TAS1R1: variants seen among roughly 807,000 people sequenced by gnomAD.
TAS1R1 encodes the protein taste receptor type 1 member 1.
Under a neutral mutation model 45.8 loss-of-function variants are expected in TAS1R1, and 31 were observed. That is an observed-to-expected ratio of 0.68 (90% CI 0.51 to 0.91). The LOEUF (loss-of-function observed/expected upper bound fraction) is 0.91, where lower values mean the gene tolerates loss of function less well. Ranked by LOEUF, TAS1R1 falls within the 40% of genes least tolerant of loss-of-function variation. The pLI is 0.00. For missense variants in TAS1R1, 1,051 were observed against 1,063.9 expected (o/e 0.99, Z 0.17); for synonymous variants, 437 against 448.4 (o/e 0.97, Z 0.32).
chr1:6,558,296 C>T (rs1639722127), intron 1 of TAS1R1, among the ~76,000 whole-genome samples: 1 of 152,116 alleles, frequency 6.6e-6, no homozygotes. Context: ...CAGTGCTAGG[C>T]CTCCCAGAGT....
rs1293792851 is a variant in TAS1R1, at chr1:6,559,661, A to G, written c.191+4097A>G. ...GCGACAGAGCGAGACTCCCTCTCAA[A>G]AAAAAAAAAAAAGCCTGAGGTTTTG... On this transcript the variant is annotated intron_variant, in intron 1 of 5. Transcript: ENST00000333172. 8.0e-5 allele frequency among the ~76,000 whole-genome samples: 12 copies of G among 149,686 alleles called. 1 individual carries two copies. The South Asian group carries it at 2.1e-3, about 26-fold the overall frequency.
intron 1 of TAS1R1, among the ~76,000 whole-genome samples, chr1:6,556,732 C>A (rs1019580682): frequency 6.6e-6 from 1 of 151,908 alleles, no homozygotes. Flanking sequence ...CAGTTGCAGC[C>A]GAGCACAGTG....
chr1:6,579,674 A>G lies in TAS1R1; in HGVS notation c.*90A>G. 6.7e-7 allele frequency: 1 copy of G among 1,493,686 alleles called. No individual in the cohort carries two copies. The highest frequency in any genetic ancestry group is 1.4e-5 in the African/African-American group (1 of 71,936). 92.5% of individuals were successfully genotyped at this position (1,493,686 alleles called of 1,614,324 possible). On this transcript the variant is annotated 3_prime_UTR_variant, in exon 6 of 6. Coordinates refer to ENST00000333172, the MANE Select transcript of TAS1R1 (RefSeq NM_138697.4). ...GGGGGTGTCCGGGAGGTCTTTGGGC[A>G]TCGCGGTCTGGGGTTGGGACGTGTA...
intron 1 of TAS1R1, among the ~76,000 whole-genome samples, chr1:6,561,312 G>A (rs1639783931): frequency 6.6e-6 from 1 of 152,188 alleles, no homozygotes; most frequent in South Asian, 2.1e-4. Context: ...GTCCTGACTG[G>A]TTAGTATAGA....
At chr1:6,565,296 G>A (rs1441879272) in intron 1 of TAS1R1, among the ~76,000 whole-genome samples, 1 of 152,156 alleles carries the variant, frequency 6.6e-6, no homozygotes, top group East Asian at 1.9e-4. Context: ...TGGAGAAAGG[G>A]CACTTAGTGC....
Position 6,578,978 on chromosome 1 carries a change from T to G in TAS1R1, c.1920T>G (p.Leu640=). 1 of 1,614,198 alleles carries G rather than the reference T, an allele frequency of 6.2e-7. No homozygotes were observed. Among genetic ancestry groups the G allele is most frequent in the African/African-American group, 1.3e-5 (1 of 75,082 alleles). Reference sequence around the variant, plus strand: ...TGCTACGCCAGGCCCTCTTTGCCCTTGGTTTCACCATCTTCCTGTCCTGCC... The same window carrying G: ...TGCTACGCCAGGCCCTCTTTGCCCTGGGTTTCACCATCTTCCTGTCCTGCC... The part of the protein sequence containing the change: ...ACLLRQALFA[L]GFTIFLSCLT... Residue 640 remains leucine, a synonymous_variant, in exon 6 of 6, where the codon CTT becomes CTG. Transcript: ENST00000333172.
intron 1 of TAS1R1, among the ~76,000 whole-genome samples, chr1:6,557,647 G>A (rs1639708311): frequency 6.6e-6 from 1 of 152,110 alleles, no homozygotes; most frequent in Non-Finnish European, 1.5e-5. Context: ...GTGTTGCTCA[G>A]GCTGGTCTCA....
At chr1:6,559,291 A>C (rs1179314148) in intron 1 of TAS1R1, among the ~76,000 whole-genome samples, 1 of 151,862 alleles carries the variant, frequency 6.6e-6, no homozygotes, top group Non-Finnish European at 1.5e-5. Flanking sequence ...CAGCCTCCCA[A>C]AGTGCTGGGA....
chr1:6,571,888 T>G (rs1240121105), intron 2 of TAS1R1, among the ~76,000 whole-genome samples: 1 of 152,040 alleles, frequency 6.6e-6, no homozygotes, highest in Admixed American at 6.6e-5. Context: ...ATCATCCCAG[T>G]CTCTCCTGCC....
At chr1:6,565,900 G>T (rs1018938409) in intron 1 of TAS1R1, among the ~76,000 whole-genome samples, 17 of 152,306 alleles carry the variant, frequency 1.1e-4, no homozygotes, top group Middle Eastern at 6.8e-3. Context: ...CTTAGAGGAG[G>T]GTGGGGGTAG....
rs963645144 is a variant in TAS1R1, at chr1:6,579,519, C to T, written c.2461C>T (p.Leu821Phe). The change falls in exon 6 of 6, where the codon CTC becomes TTC. Residue 821 changes from leucine (L) to phenylalanine (F), a missense_variant. Transcript: ENST00000333172. Reference protein sequence around the residue: ...KCYVILCRPDLNSTEHFQASI... With the variant: ...KCYVILCRPDFNSTEHFQASI... ...CTACGTGATCCTCTGCCGCCCAGAC[C>T]TCAACAGCACAGAGCACTTCCAGGC... 2 of 1,613,636 alleles carry T rather than the reference C, an allele frequency of 1.2e-6. No homozygotes were observed. Among genetic ancestry groups the T allele is most frequent in the Non-Finnish European group, 8.5e-7 (1 of 1,180,038 alleles).
intron 1 of TAS1R1, among the ~76,000 whole-genome samples, chr1:6,561,008 G>C (rs868449494): frequency 2.8e-5 from 4 of 144,206 alleles, no homozygotes; most frequent in Non-Finnish European, 6.0e-5. Context: ...AAAAAAAAGA[G>C]GGGCGATGTT....
At chr1:6,567,031 G>A (rs571827489) in intron 1 of TAS1R1, among the ~76,000 whole-genome samples, 1 of 152,314 alleles carries the variant, frequency 6.6e-6, no homozygotes, top group South Asian at 2.1e-4. Context: ...GAGAGGAGTA[G>A]GAGGGACTCA....
rs938698621 is a variant in TAS1R1 at position 6,567,376 on chromosome 1, C to A, written c.192-3533C>A. 4.0e-5 allele frequency among the ~76,000 whole-genome samples: 6 copies of A among 151,892 alleles called. No homozygotes were observed. In the South Asian group the frequency reaches 1.2e-3, roughly 32 times the overall value. ...GAGATCGAGACCATCCTGGCTAACA[C>A]GGTGAAACCCCGTCTCTACTAAAAA... On this transcript the variant is annotated intron_variant, in intron 1 of 5. Coordinates refer to ENST00000333172, the MANE Select transcript of TAS1R1 (RefSeq NM_138697.4).
chr1:6,557,200 A>C (rs1639701989), intron 1 of TAS1R1, among the ~76,000 whole-genome samples: 1 of 151,546 alleles, frequency 6.6e-6, no homozygotes, highest in African/African-American at 2.4e-5. Flanking sequence ...CTACAGCTAG[A>C]AACCTGGATA....
At position 6,555,343 on chromosome 1, in the gene TAS1R1, T is replaced by G. The variant is rs763899834; in HGVS notation, c.-31T>G. 5 of 1,539,896 alleles carry G rather than the reference T, an allele frequency of 3.2e-6. No homozygotes were observed. The highest frequency in any genetic ancestry group is 4.4e-6 in the Non-Finnish European group (5 of 1,140,014). On this transcript the variant is annotated 5_prime_UTR_variant, in exon 1 of 6. Transcript: ENST00000333172. ...ACTGGCCTCCTTAGAGGCCACTCCT[T>G]GGCCATGCCAGGCGCGGGCATCTGG...
intron 1 of TAS1R1, among the ~76,000 whole-genome samples, chr1:6,560,149 T>A (rs1330740201): frequency 6.6e-6 from 1 of 150,438 alleles, no homozygotes; most frequent in African/African-American, 2.5e-5. Context: ...TATACAAAAT[T>A]AGCCAGGCAT....
chr1:6,563,039 T>G (rs372218930), intron 1 of TAS1R1, among the ~76,000 whole-genome samples: 2 of 152,116 alleles, frequency 1.3e-5, no homozygotes, highest in Admixed American at 1.3e-4. Flanking sequence ...AAAGAGGGTA[T>G]AAGGAGGCAT....
chr1:6,579,436 T>A lies in TAS1R1; in HGVS notation c.2378T>A (p.Met793Lys). ...YDGKYLPAAN[M>K]MAGLSSLSSG... ...GGCAAGTACCTGCCTGCGGCCAACA[T>A]GATGGCTGGGCTGAGCAGCCTGAGC... The change falls in exon 6 of 6, where the codon ATG (methionine) becomes AAG (lysine). Residue 793 changes from methionine to lysine, a missense_variant. Coordinates refer to ENST00000333172, the MANE Select transcript of TAS1R1 (RefSeq NM_138697.4). 6.2e-7 allele frequency: 1 copy of A among 1,614,062 alleles called. No homozygotes were observed. The highest frequency in any genetic ancestry group is 8.5e-7 in the Non-Finnish European group (1 of 1,180,008).
Sources: allele counts gnomAD v4.1 joint callset (sites outside exome capture counted in the v4.1 genomes callset), GRCh38; gene constraint gnomAD v4.1.1; transcripts MANE v1.5; gene names NCBI Gene and HGNC (gene_info 2026-07-23, HGNC 2026-07-21).